Variants in CCDC3 observed in about 807,000 individuals in gnomAD.
CCDC3 encodes the protein coiled-coil domain-containing protein 3.
In CCDC3, 24 loss-of-function variants were observed where a neutral mutation model predicts 21.4. The ratio of observed to expected loss-of-function variants is 1.12; its 90% confidence interval spans 0.81 to 1.58. The LOEUF is 1.58. Among genes scored for constraint, CCDC3 ranks in the 40% most tolerant of loss-of-function variants. The pLI is 0.00. For missense variants in CCDC3, 425 were observed against 360.9 expected (o/e 1.18, Z -1.44); for synonymous variants, 186 against 166.0 (o/e 1.12, Z -0.93).
intron 5 of CCDC3, among the ~76,000 whole-genome samples, chr10:13,013,548 A>C (rs1244787890): frequency 6.6e-6 from 1 of 152,206 alleles, no homozygotes; most frequent in Non-Finnish European, 1.5e-5. Context: ...TAAAATATTT[A>C]TTTATCACAA....
chr10:12,957,313 T>C (rs145990933), intron 2 of CCDC3, among the ~76,000 whole-genome samples: 186 of 152,332 alleles, frequency 1.2e-3, no homozygotes, highest in African/African-American at 4.4e-3. Flanking sequence ...AGCTTAGCTC[T>C]ATACCGAAGC....
intron 5 of CCDC3, among the ~76,000 whole-genome samples, chr10:13,038,853 C>T (rs925729653): frequency 2.0e-5 from 3 of 152,198 alleles, no homozygotes; most frequent in Non-Finnish European, 1.5e-5. Context: ...TCTCCCACAC[C>T]ATCCTGCAGC....
intron 2 of CCDC3, among the ~76,000 whole-genome samples, chr10:12,920,166 T>TGGTGGAA (rs1240565208): frequency 1.3e-5 from 2 of 152,078 alleles, no homozygotes; most frequent in Admixed American, 1.3e-4. Flanking sequence ...CTCACAATCA[T>TGGTGGAA]GGTGGAAGGT....
At chr10:13,071,190 A>T (rs2131439685) in intron 4 of CCDC3, among the ~76,000 whole-genome samples, 1 of 152,316 alleles carries the variant, frequency 6.6e-6, no homozygotes, top group East Asian at 1.9e-4. Context: ...TATAGCCACC[A>T]GTGATCTAGG....
chr10:13,088,940 G>A (rs2131453272), intron 3 of CCDC3, among the ~76,000 whole-genome samples: 1 of 151,752 alleles, frequency 6.6e-6, no homozygotes, highest in East Asian at 1.9e-4. Flanking sequence ...AACCCTAGAG[G>A]CAAAGGTTGT....
At chr10:12,953,392 C>G (rs904400011) in intron 2 of CCDC3, among the ~76,000 whole-genome samples, 26 of 152,292 alleles carry the variant, frequency 1.7e-4, no homozygotes, top group African/African-American at 5.5e-4. Context: ...GACCCCCTCC[C>G]GCTCCACTAG....
chr10:13,068,057 TGG>T lies in CCDC3; in HGVS notation c.-270+5809_-270+5810del, dbSNP rs201580132. Among the ~76,000 whole-genome samples the T allele has an allele frequency of 4.2e-3, 635 of 152,274 alleles. 9 individuals carry two copies. The highest frequency in any genetic ancestry group is 0.017 in the Admixed American group (260 of 15,272). On this transcript the variant is annotated intron_variant, in intron 4 of 6. Coordinates refer to the CCDC3 transcript ENST00000378839. ...GGCCCTAAGATAACTCCTGGGGGCA[TGG>T]GACTCCTTGGGAAAAACAGACAAGG...
intron 5 of CCDC3, among the ~76,000 whole-genome samples, chr10:13,020,195 C>T (rs1019014838): frequency 1.3e-5 from 2 of 152,142 alleles, no homozygotes; most frequent in Non-Finnish European, 2.9e-5. Context: ...AAGGGGAACT[C>T]TTTTCTAGTA....
At chr10:12,969,164 C>T (rs11258093) in intron 2 of CCDC3, among the ~76,000 whole-genome samples, 1 of 152,102 alleles carries the variant, frequency 6.6e-6, no homozygotes, top group African/African-American at 2.4e-5. Context: ...AGACATTTCT[C>T]TAAAGACGAC....
Position 13,061,113 on chromosome 10 carries a change from T to C in CCDC3, c.-269-11172A>G, listed in dbSNP as rs566591925. ...ATAATCCCTGTCTCAGAGAGGTTTC[T>C]GAGGATGAAATGAGAGGACAGTTGT... On this transcript the variant is annotated intron_variant, in intron 4 of 6. Coordinates refer to the CCDC3 transcript ENST00000378839. 2.0e-5 allele frequency among the ~76,000 whole-genome samples: 3 copies of C among 152,294 alleles called. No homozygotes were observed. The South Asian group carries it at 6.2e-4, about 32-fold the overall frequency.
intron 4 of CCDC3, among the ~76,000 whole-genome samples, chr10:13,060,159 C>T (rs1182118053): frequency 5.3e-5 from 8 of 152,054 alleles, no homozygotes; most frequent in Non-Finnish European, 1.0e-4. Flanking sequence ...AGAAACAAAA[C>T]AAAACAAAAC....
At chr10:12,915,112 T>G (rs1426874384) in intron 2 of CCDC3, among the ~76,000 whole-genome samples, 1 of 152,244 alleles carries the variant, frequency 6.6e-6, no homozygotes, top group African/African-American at 2.4e-5. Flanking sequence ...AGGAACATGT[T>G]GCTTAATTTC....
chr10:12,923,504 C>T (rs960633516), intron 2 of CCDC3, among the ~76,000 whole-genome samples: 1 of 151,896 alleles, frequency 6.6e-6, no homozygotes, highest in East Asian at 1.9e-4. Context: ...AGTCCTGGGT[C>T]CCCTGACTGC....
intron 5 of CCDC3, among the ~76,000 whole-genome samples, chr10:13,047,533 T>A (rs760207645): frequency 3.9e-5 from 6 of 152,224 alleles, no homozygotes; most frequent in South Asian, 4.1e-4. Flanking sequence ...TAAAGAAACC[T>A]GCTTAATTTT....
chr10:13,016,082 T>C (rs186766396), intron 5 of CCDC3, among the ~76,000 whole-genome samples: 12 of 152,084 alleles, frequency 7.9e-5, no homozygotes, highest in Middle Eastern at 6.8e-3. Context: ...ACCTACTATG[T>C]ACCCACAAAA....
intron 2 of CCDC3, among the ~76,000 whole-genome samples, chr10:12,915,324 T>C (rs576866172): frequency 6.0e-4 from 92 of 152,372 alleles, no homozygotes; most frequent in African/African-American, 2.1e-3. Flanking sequence ...TGGAATGTTA[T>C]ATATATGTCT....
At chr10:13,004,408 A>C (rs1835901826), upstream of CCDC3, among the ~76,000 whole-genome samples, 1 of 152,166 alleles carries the variant, frequency 6.6e-6, no homozygotes, top group South Asian at 2.1e-4. Context: ...TGCTGTGGGA[A>C]TCATTGATCA....
At chr10:13,072,698 C>T (rs1321656295) in intron 4 of CCDC3, among the ~76,000 whole-genome samples, 1 of 151,888 alleles carries the variant, frequency 6.6e-6, no homozygotes, top group East Asian at 1.9e-4. Context: ...CCCCCTTTTG[C>T]CCAATAAAAT....
rs1836193032 is a variant in CCDC3 at position 13,024,727 on chromosome 10, G to C, written c.-2+24947C>G. Among the ~76,000 whole-genome samples the C allele has an allele frequency of 2.6e-5, 4 of 152,276 alleles. No homozygotes were observed. In the South Asian group the frequency reaches 8.3e-4, roughly 32 times the overall value. On this transcript the variant is annotated intron_variant, in intron 5 of 6. Coordinates refer to the CCDC3 transcript ENST00000378839. Reference sequence around the variant, plus strand: ...CTCCGTCATAGGCAACTAAAAAGAAGCCAGATTGCGCATTCCATATTTTCT... The same window carrying C: ...CTCCGTCATAGGCAACTAAAAAGAACCCAGATTGCGCATTCCATATTTTCT...
Sources: gnomAD v4.1 joint callset for allele counts (sites outside exome capture counted in the v4.1 genomes callset) on GRCh38, gnomAD v4.1.1 for gene constraint, MANE v1.5 for transcripts, NCBI Gene and HGNC (gene_info 2026-07-23, HGNC 2026-07-21) for gene names.